The following PLEKHG1 variants were observed in gnomAD, a reference collection of about 807,000 sequenced individuals.
The protein encoded by PLEKHG1 is pleckstrin homology and RhoGEF domain containing G1.
A neutral mutation model predicts 100.8 loss-of-function variants in PLEKHG1; 44 were observed. The observed-to-expected ratio is 0.44, with a 90% CI of 0.34 to 0.56. PLEKHG1 has a LOEUF of 0.56. Ranked by LOEUF, PLEKHG1 falls within the 20% of genes least tolerant of loss-of-function variation. The pLI is 0.01. For synonymous variants in PLEKHG1, 640 were observed against 662.5 expected (o/e 0.97, Z 0.52); for missense variants, 1,545 against 1,720.9 (o/e 0.90, Z 1.81).
intron 15 of PLEKHG1, 48 bp downstream of exon 16, chr6:150,832,253 C>T (rs750748246): frequency 1.8e-5 from 26 of 1,455,200 alleles, no homozygotes; most frequent in South Asian, 6.8e-5. Context: ...GAGGGGAGAG[C>T]GGTTTTCAGA....
At chr6:150,708,708 A>ATAT (rs1444907911) in intron 3 of PLEKHG1, among the ~76,000 whole-genome samples, 2 of 152,192 alleles carry the variant, frequency 1.3e-5, no homozygotes, top group African/African-American at 4.8e-5. Context: ...TATTATCTAT[A>ATAT]TATCATAGGA....
intron 2 of PLEKHG1, among the ~76,000 whole-genome samples, chr6:150,760,201 T>C (rs1028753663): frequency 6.6e-5 from 10 of 152,208 alleles, no homozygotes; most frequent in Non-Finnish European, 1.5e-5. Context: ...CAGTTTCTTA[T>C]TTTCAGATGC....
chr6:150,673,787 A>G (rs916484854), intron 3 of PLEKHG1, among the ~76,000 whole-genome samples: 1 of 152,094 alleles, frequency 6.6e-6, no homozygotes, highest in Non-Finnish European at 1.5e-5. Context: ...CAGTCTCCCA[A>G]GTAGCTGGGC....
intron 3 of PLEKHG1, among the ~76,000 whole-genome samples, chr6:150,776,801 A>T (rs531631065): frequency 6.6e-6 from 1 of 151,776 alleles, no homozygotes; most frequent in South Asian, 2.1e-4. Flanking sequence ...GCGGTTGCAC[A>T]TTACTCACAC....
intron 4 of PLEKHG1, among the ~76,000 whole-genome samples, chr6:150,793,908 C>T (rs1786149079): frequency 1.3e-5 from 2 of 151,990 alleles, no homozygotes; most frequent in Non-Finnish European, 2.9e-5. Flanking sequence ...ATGGTGAAAC[C>T]CCATCTCCAC....
At chr6:150,838,449 G>A (rs1420807202) in intron 15 of PLEKHG1, among the ~76,000 whole-genome samples, 1 of 152,186 alleles carries the variant, frequency 6.6e-6, no homozygotes, top group Non-Finnish European at 1.5e-5. Context: ...TACTGTTAGT[G>A]TATTTTATGT....
intron 5 of PLEKHG1, 37 bp from the exon 7 acceptor site, chr6:150,800,682 A>G (rs757545983): frequency 1.1e-5 from 17 of 1,599,168 alleles, no homozygotes; most frequent in Non-Finnish European, 1.5e-5. Context: ...CACATAAAGC[A>G]TTACAATTTA....
At chr6:150,825,034 C>CA (rs1296501762) in intron 14 of PLEKHG1, among the ~76,000 whole-genome samples, 1 of 152,144 alleles carries the variant, frequency 6.6e-6, no homozygotes, top group East Asian at 1.9e-4. Flanking sequence ...ATTGTGGAGC[C>CA]ATGCCCTCTC....
rs140168359 is a variant in PLEKHG1, at chr6:150,787,563, A to C, written c.582+1104A>C. ...TGTAGTTTGAAATGCACGAAGGTTT[A>C]ATAAAAGTTCATGATGGCGCTTTGA... On this transcript the variant is annotated intron_variant, in intron 4 of 15. Coordinates refer to ENST00000358517, the Ensembl canonical transcript of PLEKHG1. Among the ~76,000 whole-genome samples the C allele has an allele frequency of 3.9e-5, 6 of 152,362 alleles. No homozygotes were observed. The East Asian group carries it at 1.2e-3, about 29-fold the overall frequency.
intron 10 of PLEKHG1, 128 bp downstream of exon 11, chr6:150,809,862 G>T: frequency 4.2e-6 from 2 of 478,050 alleles, no homozygotes; most frequent in Non-Finnish European, 7.3e-6. Context: ...GAGTGAGACT[G>T]TCTCAAAATA....
At chr6:150,827,258 G>C (rs1378487514) in intron 14 of PLEKHG1, among the ~76,000 whole-genome samples, 2 of 150,126 alleles carry the variant, frequency 1.3e-5, no homozygotes, top group African/African-American at 4.9e-5. Context: ...TAAATTTACA[G>C]CTTCCAAAAA....
At chr6:150,829,646 A>G (rs1241380676) in intron 14 of PLEKHG1, among the ~76,000 whole-genome samples, 1 of 152,154 alleles carries the variant, frequency 6.6e-6, no homozygotes, top group African/African-American at 2.4e-5. Flanking sequence ...TAAAAATTAA[A>G]AAATTATTAA....
chr6:150,673,228 A>G (rs969838588), intron 3 of PLEKHG1, among the ~76,000 whole-genome samples: 1 of 152,182 alleles, frequency 6.6e-6, no homozygotes. Context: ...ACAAGTTCCA[A>G]AAAAAACTTT....
intron 3 of PLEKHG1, among the ~76,000 whole-genome samples, chr6:150,772,486 G>A (rs1784759366): frequency 6.6e-6 from 1 of 152,132 alleles, no homozygotes; most frequent in Non-Finnish European, 1.5e-5. Flanking sequence ...AGGACATGAT[G>A]GCACATGCCT....
chr6:150,631,526 T>A (rs1381036916), intron 1 of PLEKHG1, among the ~76,000 whole-genome samples: 1 of 152,200 alleles, frequency 6.6e-6, no homozygotes, highest in Non-Finnish European at 1.5e-5. Context: ...GCTTGGACGC[T>A]GATCATAACA....
chr6:150,718,961 A>G (rs1307376318), upstream of PLEKHG1, among the ~76,000 whole-genome samples: 1 of 152,166 alleles, frequency 6.6e-6, no homozygotes, highest in Non-Finnish European at 1.5e-5. Context: ...TAAAAAATGA[A>G]ATTCAACATA....
intron 2 of PLEKHG1, among the ~76,000 whole-genome samples, chr6:150,759,825 T>A (rs1431444877): frequency 3.9e-5 from 6 of 152,014 alleles, no homozygotes; most frequent in Non-Finnish European, 8.8e-5. Flanking sequence ...AGTGAGACCC[T>A]ATCTTTACAA....
chr6:150,832,178 GAGA>G, exon 15 of PLEKHG1: 1 of 1,604,326 alleles, frequency 6.2e-7, no homozygotes, highest in South Asian at 1.1e-5. Flanking sequence ...CATCTTGGAA[GAGA>G]AGAAGCAAGG....
chr6:150,827,600 G>A (rs1776686136), intron 14 of PLEKHG1: 2 of 722,134 alleles, frequency 2.8e-6, no homozygotes, highest in Non-Finnish European at 5.1e-6. Flanking sequence ...CATTTCAAGT[G>A]TAATTACCTT....
Sources: gnomAD v4.1 joint callset for allele counts (sites outside exome capture counted in the v4.1 genomes callset) on GRCh38, gnomAD v4.1.1 for gene constraint, MANE v1.5 for transcripts, NCBI Gene and HGNC (gene_info 2026-07-23, HGNC 2026-07-21) for gene names.